ANKS1B: variants seen among roughly 807,000 people sequenced by gnomAD.
ANKS1B encodes ankyrin repeat and sterile alpha motif domain containing 1B, also known as ankyrin repeat and sterile alpha motif domain-containing protein 1B.
Under a neutral mutation model 148.3 loss-of-function variants are expected in ANKS1B, and 36 were observed. That is an observed-to-expected ratio of 0.24 (90% CI 0.19 to 0.32). The LOEUF (loss-of-function observed/expected upper bound fraction) is 0.32, where lower values mean the gene tolerates loss of function less well. Among genes scored for constraint, ANKS1B ranks in the 10% least tolerant of loss-of-function variants. The pLI is 1.00. For synonymous variants in ANKS1B, 542 were observed against 560.8 expected (o/e 0.97, Z 0.47); for missense variants, 1,157 against 1,542.6 (o/e 0.75, Z 4.19).
In ANKS1B at chr12:99,983,335, G is replaced by T. The variant is rs112015069; in HGVS notation, c.134+769C>A. 2.7e-3 allele frequency among the ~76,000 whole-genome samples: 414 copies of T among 152,254 alleles called. 1 individual carries two copies. The highest frequency in any genetic ancestry group is 9.6e-3 in the African/African-American group (400 of 41,548). On this transcript the variant is annotated intron_variant, in intron 1 of 26. Coordinates refer to ENST00000683438, the MANE Select transcript of ANKS1B (RefSeq NM_001352186.2). ...CGCTATTTCCAAGGTACTGCTGAAT[G>T]AAGACCTTGACATTTTTTTTAAATG...
At chr12:98,816,335 A>T (rs2099139788) in intron 19 of ANKS1B, among the ~76,000 whole-genome samples, 1 of 152,166 alleles carries the variant, frequency 6.6e-6, no homozygotes, top group Non-Finnish European at 1.5e-5. Flanking sequence ...TCTCACTGTC[A>T]CCCAGGAGGG....
intron 17 of ANKS1B, among the ~76,000 whole-genome samples, chr12:98,903,726 G>A (rs1010631259): frequency 2.0e-5 from 3 of 152,172 alleles, no homozygotes; most frequent in Non-Finnish European, 4.4e-5. Context: ...AGTTGTAACT[G>A]TAAAGTGTCC....
chr12:99,711,540 G>T (rs2056633185), intron 8 of ANKS1B, among the ~76,000 whole-genome samples: 1 of 151,978 alleles, frequency 6.6e-6, no homozygotes, highest in African/African-American at 2.4e-5. Context: ...AGTGGGCAAA[G>T]AACGTGAACA....
At chr12:98,979,153 A>AT (rs891606525) in intron 17 of ANKS1B, among the ~76,000 whole-genome samples, 111 of 151,382 alleles carry the variant, frequency 7.3e-4, no homozygotes, top group African/African-American at 2.5e-3. Context: ...AAAAAAAGAA[A>AT]TTTTTTTTTA....
intron 12 of ANKS1B, among the ~76,000 whole-genome samples, chr12:99,309,594 AAC>A (rs2082861660): frequency 6.6e-6 from 1 of 152,224 alleles, no homozygotes; most frequent in South Asian, 2.1e-4. Context: ...AATTTAGATA[AAC>A]ACACATACAT....
chr12:99,712,259 G>T (rs1468149452), intron 8 of ANKS1B, among the ~76,000 whole-genome samples: 1 of 152,128 alleles, frequency 6.6e-6, no homozygotes, highest in African/African-American at 2.4e-5. Context: ...GACAAAATAG[G>T]TTGTTTCATG....
chr12:99,051,067 G>C (rs2099965723), intron 17 of ANKS1B, among the ~76,000 whole-genome samples: 1 of 152,058 alleles, frequency 6.6e-6, no homozygotes, highest in Non-Finnish European at 1.5e-5. Flanking sequence ...CAGTCCCTAA[G>C]CCCCGGCAGT....
At chr12:99,891,388 T>C (rs886816158) in intron 1 of ANKS1B, among the ~76,000 whole-genome samples, 1 of 152,140 alleles carries the variant, frequency 6.6e-6, no homozygotes, top group East Asian at 1.9e-4. Context: ...TATCTCATTG[T>C]GATTTTTTTA....
chr12:99,189,332 A>G (rs1440210816), intron 14 of ANKS1B, among the ~76,000 whole-genome samples: 2 of 152,208 alleles, frequency 1.3e-5, no homozygotes, highest in African/African-American at 2.4e-5. Context: ...ACTCCACCCT[A>G]ACTCATTTTA....
chr12:99,798,178 G>T (rs1051543855), intron 4 of ANKS1B, among the ~76,000 whole-genome samples: 2 of 151,820 alleles, frequency 1.3e-5, no homozygotes, highest in African/African-American at 4.8e-5. Flanking sequence ...ACCGATTCTT[G>T]ATTAAAGGAG....
intron 15 of ANKS1B, among the ~76,000 whole-genome samples, chr12:99,096,267 C>A (rs941228399): frequency 1.3e-5 from 2 of 151,934 alleles, no homozygotes; most frequent in Admixed American, 6.6e-5. Flanking sequence ...CAGTGAATGG[C>A]GATTATTGAA....
chr12:99,707,221 C>T (rs182669039), intron 8 of ANKS1B, among the ~76,000 whole-genome samples: 50 of 152,126 alleles, frequency 3.3e-4, no homozygotes, highest in African/African-American at 1.2e-3. Flanking sequence ...ATTGCCCAAG[C>T]CTCCAGTTTG....
At chr12:99,692,945 C>T (rs1386771109) in intron 8 of ANKS1B, among the ~76,000 whole-genome samples, 1 of 152,126 alleles carries the variant, frequency 6.6e-6, no homozygotes, top group East Asian at 1.9e-4. Flanking sequence ...GTAACAGAGT[C>T]ATTGGCATGT....
Position 99,905,600 on chromosome 12 carries a change from A to C in ANKS1B, c.134+78504T>G, listed in dbSNP as rs904332027. ...GTATTACAGGCTGGGAGGCTTAAAC[A>C]ACAGAAATTTGTTTTCTCACAATTC... On this transcript the variant is annotated intron_variant, in intron 1 of 26. Transcript: ENST00000683438. Among the ~76,000 whole-genome samples, 80 of 152,230 alleles carry C rather than the reference A, an allele frequency of 5.3e-4. 4 individuals are homozygous for C. Among genetic ancestry groups the C allele is most frequent in the Non-Finnish European group, 2.9e-5 (2 of 68,042 alleles).
intron 17 of ANKS1B, among the ~76,000 whole-genome samples, chr12:98,909,624 C>T (rs2099784019): frequency 1.3e-5 from 2 of 152,052 alleles, no homozygotes; most frequent in Admixed American, 1.3e-4. Flanking sequence ...AACAAAAAGT[C>T]AAAATGGAAA....
At chr12:99,566,588 C>T (rs1359428459) in intron 9 of ANKS1B, among the ~76,000 whole-genome samples, 1 of 151,916 alleles carries the variant, frequency 6.6e-6, no homozygotes, top group East Asian at 1.9e-4. Context: ...GTCTTGGGGG[C>T]TAATTAGGGT....
At position 98,945,505 on chromosome 12, in the gene ANKS1B, C is replaced by CAAAAAAAA. The variant is rs3051086; in HGVS notation, c.2778+107644_2778+107651dup. Among the ~76,000 whole-genome samples the CAAAAAAAA allele has an allele frequency of 9.0e-3, 272 of 30,234 alleles. 19 individuals are homozygous for CAAAAAAAA. Among genetic ancestry groups the CAAAAAAAA allele is most frequent in the East Asian group, 0.023 (25 of 1,106 alleles). 19.8% of individuals were successfully genotyped at this position (30,234 alleles called of 152,430 possible). A position where few individuals can be genotyped will look rare whatever the true frequency, so the allele number is the denominator to read the frequency against. ...GCCAGACCCTGTCTCAACAAACAAACAAAAAAAAAAAAAAAAAAAAAAAAA... is the reference window on the plus strand; with the variant it reads ...GCCAGACCCTGTCTCAACAAACAAACAAAAAAAAAAAAAAAAAAAAAAAAAAAAAAAAA... On this transcript the variant is annotated intron_variant, in intron 17 of 26. Coordinates refer to ENST00000683438, the MANE Select transcript of ANKS1B (RefSeq NM_001352186.2).
chr12:99,829,288 A>G (rs1215066507), intron 1 of ANKS1B, among the ~76,000 whole-genome samples: 2 of 152,180 alleles, frequency 1.3e-5, no homozygotes, highest in African/African-American at 4.8e-5. Context: ...AAGTGGGTGG[A>G]TTACCCGAGT....
At chr12:99,311,498 T>C (rs2154026004) in intron 12 of ANKS1B, among the ~76,000 whole-genome samples, 2 of 152,176 alleles carry the variant, frequency 1.3e-5, no homozygotes, top group Admixed American at 6.5e-5. Context: ...GAGAGATTGA[T>C]GAAACAAGTA....
Sources: allele counts gnomAD v4.1 joint callset (sites outside exome capture counted in the v4.1 genomes callset), GRCh38; gene constraint gnomAD v4.1.1; transcripts MANE v1.5; gene names NCBI Gene and HGNC (gene_info 2026-07-23, HGNC 2026-07-21).